SEMA3A: variants seen among roughly 807,000 people sequenced by gnomAD.
The protein encoded by SEMA3A is semaphorin 3A.
A neutral mutation model predicts 97.9 loss-of-function variants in SEMA3A; 29 were observed. That is an observed-to-expected ratio of 0.30 (90% CI 0.22 to 0.40). The LOEUF (loss-of-function observed/expected upper bound fraction) is 0.40, where lower values mean the gene tolerates loss of function less well. Ranked by LOEUF, SEMA3A falls within the 10% of genes least tolerant of loss-of-function variation. The pLI is 1.00. For synonymous variants in SEMA3A, 321 were observed against 323.7 expected (o/e 0.99, Z 0.09); for missense variants, 763 against 951.3 (o/e 0.80, Z 2.60).
chr7:84,150,177 TA>T (rs1796586088), intron 1 of SEMA3A, among the ~76,000 whole-genome samples: 1 of 152,230 alleles, frequency 6.6e-6, no homozygotes, highest in Non-Finnish European at 1.5e-5. Flanking sequence ...CTCAAATTAA[TA>T]AATTGTTACG....
chr7:84,238,524 T>C (rs1321475228), intron 3 of SEMA3A, among the ~76,000 whole-genome samples: 1 of 152,178 alleles, frequency 6.6e-6, no homozygotes, highest in African/African-American at 2.4e-5. Context: ...TAATAGCTTA[T>C]GAATAAATTA....
intron 6 of SEMA3A, among the ~76,000 whole-genome samples, chr7:84,030,233 T>G (rs1178259444): frequency 6.6e-6 from 1 of 152,156 alleles, no homozygotes; most frequent in Non-Finnish European, 1.5e-5. Flanking sequence ...TTATATGATT[T>G]TACTTAATCA....
chr7:84,104,923 C>G (rs1380195330), intron 4 of SEMA3A, among the ~76,000 whole-genome samples: 1 of 152,022 alleles, frequency 6.6e-6, no homozygotes, highest in East Asian at 1.9e-4. Context: ...CAACATGATT[C>G]AAGTATTGAA....
chr7:84,150,247 C>G (rs931429387), intron 1 of SEMA3A, among the ~76,000 whole-genome samples: 1 of 152,168 alleles, frequency 6.6e-6, no homozygotes, highest in Admixed American at 6.5e-5. Context: ...GAGATTATGG[C>G]GAACAGGAAC....
intron 3 of SEMA3A, among the ~76,000 whole-genome samples, chr7:84,252,214 T>C (rs1799625575): frequency 1.3e-5 from 2 of 152,170 alleles, no homozygotes; most frequent in Admixed American, 1.3e-4. Flanking sequence ...AAGATCAGTG[T>C]CAGACCACTT....
intron 3 of SEMA3A, among the ~76,000 whole-genome samples, chr7:84,225,572 G>A (rs1798971097): frequency 6.6e-6 from 1 of 152,152 alleles, no homozygotes; most frequent in African/African-American, 2.4e-5. Context: ...AAGTGAGGAG[G>A]CTCTGTTTAT....
intron 15 of SEMA3A, among the ~76,000 whole-genome samples, chr7:83,965,964 C>T (rs978825493): frequency 2.0e-5 from 3 of 151,342 alleles, no homozygotes; most frequent in Non-Finnish European, 4.4e-5. Context: ...CAGGTGTGAG[C>T]CACCGCGCCC....
intron 1 of SEMA3A, among the ~76,000 whole-genome samples, chr7:84,173,066 C>T (rs1797442118): frequency 2.0e-5 from 3 of 152,022 alleles, no homozygotes. Context: ...ACTTTATGAC[C>T]ATATTTTCAG....
intron 6 of SEMA3A, among the ~76,000 whole-genome samples, chr7:84,024,268 G>A (rs6958190): frequency 0.16 from 24,394 of 151,938 alleles, 2,382 homozygotes; most frequent in Middle Eastern, 0.22. Flanking sequence ...GGCTGGGCGC[G>A]GTGGCTCACG....
At chr7:84,066,307 C>G (rs1196937984) in intron 4 of SEMA3A, among the ~76,000 whole-genome samples, 1 of 152,036 alleles carries the variant, frequency 6.6e-6, no homozygotes, top group Non-Finnish European at 1.5e-5. Context: ...AACCCACATC[C>G]AATATCATAC....
At chr7:84,321,359 T>G (rs778433087) in intron 2 of SEMA3A, among the ~76,000 whole-genome samples, 6 of 152,182 alleles carry the variant, frequency 3.9e-5, no homozygotes, top group Non-Finnish European at 7.4e-5. Flanking sequence ...AAAATTAAAA[T>G]GTTAGGATAC....
intron 11 of SEMA3A, 68 bp downstream of exon 11, chr7:84,005,271 A>G: frequency 8.6e-7 from 1 of 1,169,434 alleles, no homozygotes; most frequent in Admixed American, 1.7e-5. Context: ...TGAGATGTTC[A>G]AAGATCAACT....
At chr7:84,001,110 GCTCTA>G (rs1790428020) in intron 12 of SEMA3A, among the ~76,000 whole-genome samples, 3 of 149,196 alleles carry the variant, frequency 2.0e-5, no homozygotes, top group Non-Finnish European at 4.5e-5. Flanking sequence ...ATAGATGTTT[GCTCTA>G]TTCTTTTATC....
At chr7:84,455,811 T>C (rs1289417602) in intron 1 of SEMA3A, among the ~76,000 whole-genome samples, 1 of 151,984 alleles carries the variant, frequency 6.6e-6, no homozygotes, top group Admixed American at 6.6e-5. Flanking sequence ...TTTCATTTTA[T>C]ATATGGGAGA....
intron 3 of SEMA3A, among the ~76,000 whole-genome samples, chr7:84,252,626 A>G (rs1343363547): frequency 2.0e-5 from 3 of 152,172 alleles, no homozygotes; most frequent in Non-Finnish European, 4.4e-5. Flanking sequence ...AGGAAAACAA[A>G]TTGTTACCTA....
At chr7:83,990,491 T>C (rs1297944091) in intron 12 of SEMA3A, among the ~76,000 whole-genome samples, 1 of 129,280 alleles carries the variant, frequency 7.7e-6, no homozygotes, top group Non-Finnish European at 1.7e-5. Flanking sequence ...GAATTGATTT[T>C]TGTATAAGGT....
At chr7:84,120,997 GA>G (rs547600247) in intron 3 of SEMA3A, among the ~76,000 whole-genome samples, 2 of 152,208 alleles carry the variant, frequency 1.3e-5, no homozygotes, top group South Asian at 4.1e-4. Context: ...AACTCTGGAT[GA>G]AAAAACCTAA....
chr7:84,173,854 C>T (rs1054809572), intron 1 of SEMA3A, among the ~76,000 whole-genome samples: 3 of 152,040 alleles, frequency 2.0e-5, no homozygotes, highest in Non-Finnish European at 2.9e-5. Flanking sequence ...GTCAGATCAA[C>T]GGGGGCATTA....
chr7:84,166,822 C>CTT, intron 1 of SEMA3A, among the ~76,000 whole-genome samples: 1 of 146,842 alleles, frequency 6.8e-6, no homozygotes, highest in East Asian at 2.0e-4. Context: ...CTGCAGTGAG[C>CTT]CGAGATTGCA....
Sources: allele counts gnomAD v4.1 joint callset (sites outside exome capture counted in the v4.1 genomes callset), GRCh38; gene constraint gnomAD v4.1.1; transcripts MANE v1.5; gene names NCBI Gene and HGNC (gene_info 2026-07-23, HGNC 2026-07-21).